Variants in SUGT1 observed in about 807,000 individuals in gnomAD.
SUGT1 encodes the protein protein SGT1 homolog.
SUGT1 carries 15 observed loss-of-function variants against 56.1 expected under a neutral mutation model. The ratio of observed to expected loss-of-function variants is 0.27; its 90% confidence interval spans 0.18 to 0.41. The LOEUF is 0.41. Among genes scored for constraint, SUGT1 ranks in the 10% least tolerant of loss-of-function variants. The probability of loss-of-function intolerance (pLI) is 1.00; values close to 1 mark genes in which losing one functional copy is unlikely to be tolerated. For synonymous variants in SUGT1, 123 were observed against 128.6 expected, an observed-to-expected ratio of 0.96 and a Z score of 0.30; for missense variants, 347 against 382.2, an observed-to-expected ratio of 0.91 and a Z score of 0.77.
At chr13:52,687,623 G>C (rs1436367574) in intron 12 of SUGT1, 111 bp from the exon 13 acceptor site, 1 of 592,758 alleles carries the variant, frequency 1.7e-6, no homozygotes, top group Admixed American at 3.8e-5. Context: ...TTTATATTGA[G>C]CTGTATATAA....
At chr13:52,654,100 T>G (rs1962048628) in intron 2 of SUGT1, among the ~76,000 whole-genome samples, 1 of 152,172 alleles carries the variant, frequency 6.6e-6, no homozygotes, top group Non-Finnish European at 1.5e-5. Context: ...AAAAGGCCCT[T>G]TTTATTAGAG....
chr13:52,653,123 C>T lies in SUGT1; in HGVS notation c.96+20C>T, dbSNP rs1961989465. The T allele has an allele frequency of 1.2e-6, 2 of 1,613,930 alleles. No individual in the cohort carries two copies. The highest frequency in any genetic ancestry group is 8.5e-7 in the Non-Finnish European group (1 of 1,180,016). ...TTAGAGGTGAGAGAGCCCATTTCTG[C>T]TTCCTCCACTCTTCTTAGGGGAGCT... is the stretch of plus-strand genomic sequence containing the variant. On this transcript the variant is annotated intron_variant, in intron 2 of 12. Coordinates refer to ENST00000310528, the MANE Select transcript of SUGT1 (RefSeq NM_006704.5).
At chr13:52,665,510 C>CAAT (rs1962658920) in intron 8 of SUGT1, 127 bp from the exon 9 acceptor site, 4 of 259,964 alleles carry the variant, frequency 1.5e-5, no homozygotes, top group East Asian at 1.3e-4. Flanking sequence ...TTCTGTGAAT[C>CAAT]AGTAGTTGCT....
At chr13:52,656,299 A>C (rs1962165978) in intron 2 of SUGT1, among the ~76,000 whole-genome samples, 1 of 152,200 alleles carries the variant, frequency 6.6e-6, no homozygotes, top group South Asian at 2.1e-4. Flanking sequence ...CTTATCCCAC[A>C]TGTTCACCCA....
chr13:52,653,202 A>T, intron 2 of SUGT1, 99 bp downstream of exon 2: 5 of 1,436,798 alleles, frequency 3.5e-6, no homozygotes, highest in Non-Finnish European at 4.8e-6. Context: ...CCGGACAGGG[A>T]CCCAGGCTCT....
rs1235669707 is a variant in SUGT1, at chr13:52,672,323, T to C, written c.628-3907T>C. On this transcript the variant is annotated intron_variant, in intron 10 of 12. Transcript: ENST00000310528. ...GAATGTCTCTCCTGATTAATTACTTTAAGAAGAACAGAGGCTGTGTCCTTA... is the reference window on the plus strand; with the variant it reads ...GAATGTCTCTCCTGATTAATTACTTCAAGAAGAACAGAGGCTGTGTCCTTA... 8.5e-5 allele frequency among the ~76,000 whole-genome samples: 13 copies of C among 152,174 alleles called. No individual in the cohort carries two copies. In the East Asian group the frequency reaches 2.5e-3, roughly 29 times the overall value.
At chr13:52,667,972 CTTTT>C (rs536634833) in intron 10 of SUGT1, among the ~76,000 whole-genome samples, 32 of 144,442 alleles carry the variant, frequency 2.2e-4, no homozygotes, top group South Asian at 8.8e-4. Context: ...TCCATTACTA[CTTTT>C]TTTTTTTTTC....
chr13:52,662,626 T>C (rs757785090), intron 5 of SUGT1, 23 bp from the exon 6 acceptor site: 15 of 1,613,130 alleles, frequency 9.3e-6, no homozygotes, highest in Non-Finnish European at 1.3e-5. Flanking sequence ...TGAGTGATGT[T>C]ATAGTCAGTT....
Position 52,693,376 on chromosome 13 carries a change from A to G in SUGT1, c.*5541A>G, listed in dbSNP as rs953454742. ...ATACCTATATAGGGTTTTTTAAAAA[A>G]CTGTACCCTATAATGCAGCCACAGA... On this transcript the variant is annotated 3_prime_UTR_variant, in exon 13 of 13. Transcript: ENST00000310528. 1.3e-5 allele frequency: 2 copies of G among 152,194 alleles called. No homozygotes were observed. The highest frequency in any genetic ancestry group is 1.3e-4 in the Admixed American group (2 of 15,278). The allele number at this position is 152,194 out of a possible 1,614,324, so 9.4% of individuals were successfully genotyped here. A position where few individuals can be genotyped will look rare whatever the true frequency, so the allele number is the denominator to read the frequency against.
rs1249542591 is a variant in SUGT1 at position 52,697,307 on chromosome 13, T to TTTTTG, written c.*9489_*9493dup. The TTTTTG allele has an allele frequency of 5.9e-5, 9 of 152,330 alleles. No homozygotes were observed. The highest frequency in any genetic ancestry group is 1.2e-4 in the African/African-American group (5 of 41,450). 9.4% of individuals were successfully genotyped at this position (152,330 alleles called of 1,614,324 possible). On this transcript the variant is annotated 3_prime_UTR_variant, in exon 13 of 13. Transcript: ENST00000310528. Reference sequence around the variant, plus strand: ...GGCGTAAGCCACTGTGCCCGGCTGTTTTTTGTTTTGTTTTGTTTTGTGTTT... The same window carrying TTTTTG: ...GGCGTAAGCCACTGTGCCCGGCTGTTTTTTGTTTTGTTTTGTTTTGTTTTGTGTTT...
chr13:52,670,402 T>A (rs1962880614), intron 10 of SUGT1, among the ~76,000 whole-genome samples: 1 of 152,248 alleles, frequency 6.6e-6, no homozygotes, highest in Non-Finnish European at 1.5e-5. Context: ...GTCTTTCATC[T>A]TGTTGATTTC....
At chr13:52,687,068 CAAAAAAAAAAAAAAAA>C (rs57702146) in intron 12 of SUGT1, 3 of 64,858 alleles carry the variant, frequency 4.6e-5, no homozygotes, top group South Asian at 9.2e-4. Context: ...AACTCCGTCT[CAAAAAAAAAAAAAAAA>C]AAAAAAAAGA....
intron 12 of SUGT1, among the ~76,000 whole-genome samples, chr13:52,680,714 ACT>A (rs1217706167): frequency 6.6e-6 from 1 of 152,064 alleles, no homozygotes; most frequent in Non-Finnish European, 1.5e-5. Context: ...TGGAAATATG[ACT>A]CTTTTAAGAC....
At chr13:52,660,056 C>G (rs1214644563) in intron 5 of SUGT1, among the ~76,000 whole-genome samples, 1 of 151,356 alleles carries the variant, frequency 6.6e-6, no homozygotes, top group African/African-American at 2.4e-5. Context: ...GTCTCAATCT[C>G]CTGACCTTGT....
chr13:52,669,414 T>A (rs1354771095), intron 10 of SUGT1, among the ~76,000 whole-genome samples: 1 of 152,244 alleles, frequency 6.6e-6, no homozygotes, highest in Non-Finnish European at 1.5e-5. Context: ...TGAATTAAAA[T>A]TGGATTTTGG....
At chr13:52,678,154 C>T (rs1405053670) in intron 11 of SUGT1, among the ~76,000 whole-genome samples, 1 of 152,136 alleles carries the variant, frequency 6.6e-6, no homozygotes, top group Non-Finnish European at 1.5e-5. Flanking sequence ...ATCCATATTT[C>T]CCAGGCTCTT....
In SUGT1 at chr13:52,678,006, A is replaced by G. The variant is rs536708267; in HGVS notation, c.718+1686A>G. ...TGTAAGAAATTAATATACTTGTCAG[A>G]TTCCTGTGTATTGCAAGCTGGAGAC... On this transcript the variant is annotated intron_variant, in intron 11 of 12. Transcript: ENST00000310528. Among the ~76,000 whole-genome samples the G allele has an allele frequency of 2.0e-5, 3 of 152,300 alleles. No homozygotes were observed. The South Asian group carries it at 6.2e-4, about 32-fold the overall frequency.
At chr13:52,664,549 C>G (rs1039592456) in intron 8 of SUGT1, among the ~76,000 whole-genome samples, 3 of 152,156 alleles carry the variant, frequency 2.0e-5, no homozygotes, top group African/African-American at 7.2e-5. Flanking sequence ...AGCTTGTATT[C>G]TTAGGACCGT....
chr13:52,682,511 A>C (rs1443406663), intron 12 of SUGT1, among the ~76,000 whole-genome samples: 1 of 152,220 alleles, frequency 6.6e-6, no homozygotes, highest in Non-Finnish European at 1.5e-5. Flanking sequence ...TACATATTAC[A>C]TTTAAGTCTG....
Sources: allele counts gnomAD v4.1 joint callset (sites outside exome capture counted in the v4.1 genomes callset), GRCh38; gene constraint gnomAD v4.1.1; transcripts MANE v1.5; gene names NCBI Gene and HGNC (gene_info 2026-07-23, HGNC 2026-07-21).